OR2L13: variants seen among roughly 807,000 people sequenced by gnomAD.
OR2L13 encodes olfactory receptor 2L13.
A neutral mutation model predicts 15.3 loss-of-function variants in OR2L13; 14 were observed. That is an observed-to-expected ratio of 0.91 (90% CI 0.60 to 1.43). OR2L13 has a LOEUF of 1.43. Ranked by LOEUF, OR2L13 falls within the 40% of genes most tolerant of loss-of-function variation. The pLI is 0.00. For missense variants in OR2L13, 367 were observed against 387.9 expected (o/e 0.95, Z 0.45); for synonymous variants, 152 against 142.9 (o/e 1.06, Z -0.45).
chr1:248,090,547 G>C (rs1435062364), upstream of OR2L13, among the ~76,000 whole-genome samples: 1 of 152,130 alleles, frequency 6.6e-6, no homozygotes, highest in East Asian at 1.9e-4. Flanking sequence ...TTTTTGGCTT[G>C]TAGTTCCTTG....
At chr1:248,082,959 A>T in the OR2L13 span, among the ~76,000 whole-genome samples, 1 of 152,294 alleles carries the variant, frequency 6.6e-6, no homozygotes, top group South Asian at 2.1e-4. Flanking sequence ...CAATTTTCCA[A>T]TGTGATTACA....
upstream of OR2L13, among the ~76,000 whole-genome samples, chr1:248,090,556 TG>T (rs1398620914): frequency 9.2e-5 from 14 of 152,144 alleles, no homozygotes; most frequent in Non-Finnish European, 1.6e-4. Context: ...TGTAGTTCCT[TG>T]GTTGGTTTGC....
the OR2L13 span, chr1:248,023,326 C>T: frequency 6.6e-6 from 1 of 152,162 alleles, no homozygotes; most frequent in African/African-American, 2.4e-5. Flanking sequence ...CCTCTTTTTG[C>T]TAAAGTAATG....
chr1:248,060,738 A>G, the OR2L13 span: 1 of 1,614,106 alleles, frequency 6.2e-7, no homozygotes, highest in Non-Finnish European at 8.5e-7. Context: ...TCTTCCCACC[A>G]TCAAGAATTG....
At chr1:248,002,854 CAA>C in the OR2L13 span, among the ~76,000 whole-genome samples, 17 of 123,810 alleles carry the variant, frequency 1.4e-4, no homozygotes, top group South Asian at 5.1e-4. Flanking sequence ...GACTCCAGCT[CAA>C]AAAAAAAAAA....
the OR2L13 span, among the ~76,000 whole-genome samples, chr1:248,014,687 GA>G: frequency 6.6e-6 from 1 of 152,070 alleles, no homozygotes; most frequent in South Asian, 2.1e-4. Context: ...CAATGATAAT[GA>G]TGAAGATGCT....
At chr1:247,973,725 AAGATATCT>A in the OR2L13 span, among the ~76,000 whole-genome samples, 9 of 152,236 alleles carry the variant, frequency 5.9e-5, no homozygotes, top group Admixed American at 3.3e-4. Context: ...AAACCACAAT[AAGATATCT>A]TCTCATGCCA....
At chr1:248,027,449 C>T in the OR2L13 span, among the ~76,000 whole-genome samples, 5 of 152,324 alleles carry the variant, frequency 3.3e-5, no homozygotes, top group Admixed American at 3.3e-4. Context: ...GACCCACACC[C>T]TATTTGTACA....
the OR2L13 span, chr1:247,939,527 C>A: frequency 1.5e-4 from 23 of 152,322 alleles, no homozygotes; most frequent in Non-Finnish European, 2.8e-4. Context: ...CTTGCACTTA[C>A]ACTCAATCCT....
At chr1:248,011,613 C>T in the OR2L13 span, among the ~76,000 whole-genome samples, 1 of 152,158 alleles carries the variant, frequency 6.6e-6, no homozygotes, top group Non-Finnish European at 1.5e-5. Context: ...GGTCTTTTCT[C>T]ATAGTCCTAT....
At chr1:247,979,374 A>T in the OR2L13 span, among the ~76,000 whole-genome samples, 1 of 151,748 alleles carries the variant, frequency 6.6e-6, no homozygotes, top group African/African-American at 2.4e-5. Flanking sequence ...ATGTGTTCTC[A>T]TTGTTCAACT....
At chr1:248,057,878 C>T in the OR2L13 span, among the ~76,000 whole-genome samples, 5 of 151,972 alleles carry the variant, frequency 3.3e-5, no homozygotes, top group African/African-American at 1.2e-4. Context: ...ATTATTTATC[C>T]TAAGTTTTCT....
At chr1:248,002,238 T>C in the OR2L13 span, among the ~76,000 whole-genome samples, 1 of 152,134 alleles carries the variant, frequency 6.6e-6, no homozygotes, top group Non-Finnish European at 1.5e-5. Context: ...TTTCAGTAAA[T>C]TTAAGTGATT....
the OR2L13 span, among the ~76,000 whole-genome samples, chr1:247,993,465 T>G: frequency 1.3e-5 from 2 of 152,000 alleles, no homozygotes; most frequent in African/African-American, 4.8e-5. Context: ...TCATGGATAT[T>G]GAAATGTTTG....
chr1:247,977,482 A>G, the OR2L13 span, among the ~76,000 whole-genome samples: 1 of 152,108 alleles, frequency 6.6e-6, no homozygotes, highest in Non-Finnish European at 1.5e-5. Flanking sequence ...ACTTTTTTTT[A>G]GACACCGTCT....
chr1:247,973,475 A>G, the OR2L13 span, among the ~76,000 whole-genome samples: 1 of 151,982 alleles, frequency 6.6e-6, no homozygotes, highest in African/African-American at 2.4e-5. Context: ...GCATTCTTAT[A>G]CATCAATAAT....
the OR2L13 span, among the ~76,000 whole-genome samples, chr1:248,064,775 C>G: frequency 6.6e-6 from 1 of 152,144 alleles, no homozygotes; most frequent in Admixed American, 6.5e-5. Context: ...ATTGAAGTCC[C>G]ACCTACTGAC....
At chr1:247,948,891 A>G in the OR2L13 span, 5 of 1,611,766 alleles carry the variant, frequency 3.1e-6, no homozygotes, top group African/African-American at 1.3e-5. Context: ...AACTGATTTC[A>G]TCTTATTGGG....
the OR2L13 span, chr1:248,004,136 A>G: frequency 7.8e-7 from 1 of 1,287,956 alleles, no homozygotes; most frequent in Non-Finnish European, 1.0e-6. Flanking sequence ...AGTAATTAAA[A>G]TATCATTTCA....
Sources: allele counts gnomAD v4.1 joint callset (sites outside exome capture counted in the v4.1 genomes callset), GRCh38; gene constraint gnomAD v4.1.1; transcripts MANE v1.5; gene names NCBI Gene and HGNC (gene_info 2026-07-23, HGNC 2026-07-21).